DNAH1: variants seen among roughly 807,000 people sequenced by gnomAD.
DNAH1 encodes the protein dynein axonemal heavy chain 1.
DNAH1 carries 327 observed loss-of-function variants against 484.3 expected under a neutral mutation model. The observed-to-expected ratio is 0.68, with a 90% CI of 0.62 to 0.74. The LOEUF (loss-of-function observed/expected upper bound fraction) is 0.74. DNAH1 is among the 30% of genes least tolerant of loss of function. The pLI is 0.00. For missense variants in DNAH1, 5,052 were observed against 5,546.8 expected (o/e 0.91, Z 2.83); for synonymous variants, 2,192 against 2,191.9 (o/e 1.00, Z 0.00).
Position 52,389,537 on chromosome 3 carries a change from C to T in DNAH1, c.9572C>T (p.Pro3191Leu). 6.4e-7 allele frequency: 1 copy of T among 1,572,720 alleles called. No homozygotes were observed. Among genetic ancestry groups the T allele is most frequent in the Non-Finnish European group, 8.6e-7 (1 of 1,160,468 alleles). Residue 3191 changes from proline (P) to leucine (L), a missense_variant, in exon 60 of 78, where the codon CCC becomes CTC. This residue lies in a region of DNAH1 where 2,929 missense variants were observed against 3,409.4 expected (regional missense o/e 0.86). Transcript: ENST00000420323. ...RSHNVPHTSE[P>L]TLIGTLGNPV... ...CACAATGTCCCACACACCTCCGAGC[C>T]CACGCTAATCGGGACGCTGGGGAAC...
At chr3:52,317,137 C>G (rs1392535320) in intron 1 of DNAH1, among the ~76,000 whole-genome samples, 2 of 152,184 alleles carry the variant, frequency 1.3e-5, no homozygotes, top group East Asian at 1.9e-4. Context: ...TTGTAGCGGA[C>G]ATTCTGACGT....
Position 52,331,168 on chromosome 3 carries a change from C to T in DNAH1, c.892C>T (p.Leu298=), listed in dbSNP as rs754175909. 30 of 1,599,288 alleles carry T rather than the reference C, an allele frequency of 1.9e-5. No homozygotes were observed. The highest frequency in any genetic ancestry group is 2.6e-5 in the Non-Finnish European group (30 of 1,172,804). The change falls in exon 7 of 78, where the codon CTG becomes TTG. Residue 298 remains leucine, a synonymous_variant. Coordinates refer to ENST00000420323, the MANE Select transcript of DNAH1 (RefSeq NM_015512.5). ...TTCAGAGGACCCCAAGAGTCAGAAG[C>T]TGAAGTACAAATGGTGCGAGGTCGG... ...LGHEDPKSQK[L]KYKWCEVGVL...
Position 52,395,405 on chromosome 3 carries a change from A to G in DNAH1, c.11066A>G (p.Lys3689Arg). 2 of 1,613,790 alleles carry G rather than the reference A, an allele frequency of 1.2e-6. No homozygotes were observed. Among genetic ancestry groups the G allele is most frequent in the East Asian group, 2.2e-5 (1 of 44,858 alleles). ...ACAGACCCTGCTGCCGACCTCTACA[A>G]GTTTGCCGAAGAAATGAAGTTCTCC... ...PGTDPAADLY[K>R]FAEEMKFSKK... The change falls in exon 69 of 78, where the codon AAG becomes AGG. Residue 3689 changes from lysine (K) to arginine (R), a missense_variant. This residue lies in a region of DNAH1 where 853 missense variants were observed against 899.0 expected (regional missense o/e 0.95). Coordinates refer to ENST00000420323, the MANE Select transcript of DNAH1 (RefSeq NM_015512.5). The surrounding 1 kb of genome is among the most constrained non-coding windows in gnomAD (Gnocchi z 4.4).
At position 52,391,485 on chromosome 3, in the gene DNAH1, A is replaced by G. The variant is rs772951536; in HGVS notation, c.9934A>G (p.Thr3312Ala). 11 of 1,613,358 alleles carry G rather than the reference A, an allele frequency of 6.8e-6. No homozygotes were observed. Among genetic ancestry groups the G allele is most frequent in the South Asian group, 1.1e-5 (1 of 90,986 alleles). ...QGNTVLKLGD[T>A]VIPYHEDFRM... ...AAACACGGTGCTGAAGCTGGGGGAC[A>G]CGGTGATCCCCTACCATGAGGACTT... Residue 3312 changes from threonine to alanine, a missense_variant, in exon 63 of 78, where the codon ACG becomes GCG. Physicochemically the swap from Thr to Ala is moderately conservative, Grantham distance 58. This residue lies in a region of DNAH1 where 2,929 missense variants were observed against 3,409.4 expected (regional missense o/e 0.86). Coordinates refer to ENST00000420323, the MANE Select transcript of DNAH1 (RefSeq NM_015512.5).
In DNAH1 at chr3:52,364,596, GA is replaced by G; in HGVS notation, c.5245-41del. 1 of 1,608,774 alleles carries G rather than the reference GA, an allele frequency of 6.2e-7. No individual in the cohort carries two copies. Among genetic ancestry groups the G allele is most frequent in the Non-Finnish European group, 8.5e-7 (1 of 1,175,326 alleles). ...GAGTGTTCCAGGCAGAAGCCTTGGA[GA>G]GGGACAGTGCTCACCCATGCCTCCT... On this transcript the variant is annotated intron_variant, in intron 32 of 77. Transcript: ENST00000420323. This position sits in a 1 kb window ranked among gnomAD's most constrained non-coding sequence, Gnocchi z 4.2.
chr3:52,398,787 G>T, intron 75 of DNAH1, 63 bp from the exon 76 acceptor site: 1 of 1,353,042 alleles, frequency 7.4e-7, no homozygotes, highest in Non-Finnish European at 9.9e-7. Context: ...CTTGAGCTGC[G>T]GAGCATAGCT....
upstream of DNAH1, among the ~76,000 whole-genome samples, chr3:52,313,668 C>A (rs1700863488): frequency 6.6e-6 from 1 of 152,204 alleles, no homozygotes; most frequent in Admixed American, 6.5e-5. Context: ...GCTGCCCCAC[C>A]TCTTTGGGAG....
At position 52,356,745 on chromosome 3, in the gene DNAH1, G is replaced by A. The variant is rs747187462; in HGVS notation, c.3825G>A (p.Lys1275=). The change falls in exon 22 of 78, where the codon AAG becomes AAA. Residue 1275 remains lysine (K), a synonymous_variant. Transcript: ENST00000420323. ...ACCAGACCATGGAGCGGATCTGGAA[G>A]AAGATCATGAAGAATGCCTACGAGA... ...KRYQTMERIW[K]KIMKNAYENR... 2 of 1,613,030 alleles carry A rather than the reference G, an allele frequency of 1.2e-6. No homozygotes were observed. Among genetic ancestry groups the A allele is most frequent in the East Asian group, 4.5e-5 (2 of 44,862 alleles).
At chr3:52,335,393 A>G (rs533610799) in intron 8 of DNAH1, among the ~76,000 whole-genome samples, 1 of 138,190 alleles carries the variant, frequency 7.2e-6, no homozygotes, top group Non-Finnish European at 1.5e-5. Flanking sequence ...AAACAAAAAA[A>G]GCAATGTGTG....
At chr3:52,378,523 AG>A in intron 46 of DNAH1, 78 bp from the exon 47 acceptor site, 3 of 1,476,986 alleles carry the variant, frequency 2.0e-6, no homozygotes, top group African/African-American at 1.4e-5. Context: ...AGCACAGCAA[AG>A]GCAAGGAGGT....
intron 37 of DNAH1, among the ~76,000 whole-genome samples, chr3:52,369,306 G>T (rs1340669750): frequency 2.0e-5 from 3 of 152,198 alleles, no homozygotes; most frequent in Non-Finnish European, 2.9e-5. Flanking sequence ...CCTGGCCCTG[G>T]CAGTATGCCC....
chr3:52,366,214 A>G (rs2153224546), intron 34 of DNAH1, among the ~76,000 whole-genome samples: 1 of 152,352 alleles, frequency 6.6e-6, no homozygotes, highest in African/African-American at 2.4e-5. Flanking sequence ...ATGGCTGTGA[A>G]GGAACGGTAG....
Position 52,368,779 on chromosome 3 carries a change from C to T in DNAH1, c.5804C>T (p.Ala1935Val). 1 of 1,613,924 alleles carries T rather than the reference C, an allele frequency of 6.2e-7. No homozygotes were observed. The highest frequency in any genetic ancestry group is 8.5e-7 in the Non-Finnish European group (1 of 1,179,880). Reference protein sequence around the residue: ...GIFSSFIRAGAITSDTNKKWY... With the variant: ...GIFSSFIRAGVITSDTNKKWY... ...TTCTCCTCGTTCATCCGGGCGGGGG[C>T]CATCACCTCCGACACCAACAAGAAG... The change falls in exon 37 of 78, where the codon GCC (alanine) becomes GTC (valine). Residue 1935 changes from alanine to valine, a missense_variant. Transcript: ENST00000420323. The surrounding 1 kb of genome is among the most constrained non-coding windows in gnomAD (Gnocchi z 4.4).
Position 52,398,047 on chromosome 3 carries a change from A to G in DNAH1, c.11974A>G (p.Thr3992Ala). 6.2e-7 allele frequency: 1 copy of G among 1,613,778 alleles called. No homozygotes were observed. Among genetic ancestry groups the G allele is most frequent in the Non-Finnish European group, 8.5e-7 (1 of 1,179,802 alleles). The stretch of plus-strand genomic sequence containing the variant: ...GCCCCTGCAGATAGTGGAGGACGTC[A>G]CCCAAAACATTCTGCTCAAGGTGCC... ...QGREEIVEDV[T>A]QNILLKVPEP... The change falls in exon 75 of 78, where the codon ACC (threonine) becomes GCC (alanine). Residue 3992 changes from threonine (T) to alanine (A), a missense_variant. Thr to Ala is a moderately conservative substitution (Grantham distance 58). Coordinates refer to ENST00000420323, the MANE Select transcript of DNAH1 (RefSeq NM_015512.5).
intron 17 of DNAH1, among the ~76,000 whole-genome samples, 160 bp downstream of exon 17, chr3:52,352,263 C>T (rs1702416694): frequency 6.6e-6 from 1 of 152,176 alleles, no homozygotes; most frequent in Non-Finnish European, 1.5e-5. Flanking sequence ...AGAATGAACG[C>T]AAAGGCCAAA....
At chr3:52,385,063 C>A in intron 53 of DNAH1, 86 bp downstream of exon 53, 1 of 1,436,762 alleles carries the variant, frequency 7.0e-7, no homozygotes, top group Non-Finnish European at 9.3e-7. Flanking sequence ...TGACACCATG[C>A]TCCGCCTTTC....
chr3:52,389,637 A>G lies in DNAH1; in HGVS notation c.9621+51A>G, dbSNP rs913642587. 2.7e-5 allele frequency: 35 copies of G among 1,314,252 alleles called. 1 individual carries two copies. The Admixed American group carries it at 8.1e-4, about 30-fold the overall frequency. The allele number at this position is 1,314,252 out of a possible 1,614,324, so 81.4% of individuals were successfully genotyped here. A position where few individuals can be genotyped will look rare whatever the true frequency, so the allele number is the denominator to read the frequency against. On this transcript the variant is annotated intron_variant, in intron 60 of 77. Transcript: ENST00000420323. The stretch of plus-strand genomic sequence containing the variant: ...CCAGGCAGGGCCTGTGGTGTGGTCC[A>G]GGCTGGGCCAGGAGCCTTCTGCCTC...
chr3:52,320,737 G>T (rs1318119551), intron 1 of DNAH1, among the ~76,000 whole-genome samples: 5 of 151,976 alleles, frequency 3.3e-5, no homozygotes, highest in African/African-American at 1.2e-4. Flanking sequence ...GGGAAGGGGG[G>T]CTTGCTTGGG....
At chr3:52,346,242 C>T (rs1466853830) in intron 10 of DNAH1, among the ~76,000 whole-genome samples, 1 of 152,230 alleles carries the variant, frequency 6.6e-6, no homozygotes, top group Non-Finnish European at 1.5e-5. Context: ...CTGTCCTGTC[C>T]TCCCTCCCTC....
Sources: allele counts gnomAD v4.1 joint callset (sites outside exome capture counted in the v4.1 genomes callset), GRCh38; gene constraint gnomAD v4.1.1; regional missense constraint gnomAD v4.1.1; non-coding constraint Gnocchi (gnomAD v3.1); transcripts MANE v1.5; gene names NCBI Gene and HGNC (gene_info 2026-07-23, HGNC 2026-07-21).